Variants in HPS4 observed in about 807,000 individuals in gnomAD.
HPS4 encodes the protein BLOC-3 complex member HPS4.
In HPS4, 44 loss-of-function variants were observed where a neutral mutation model predicts 70.3. The ratio of observed to expected loss-of-function variants is 0.63; its 90% CI spans 0.49 to 0.80. HPS4 has a LOEUF of 0.80. Ranked by LOEUF, HPS4 falls within the 30% of genes least tolerant of loss-of-function variation. The pLI is 0.00. For synonymous variants in HPS4, 377 were observed against 355.9 expected (o/e 1.06, Z -0.67); for missense variants, 873 against 884.4 (o/e 0.99, Z 0.16).
At chr22:26,465,035 A>G (rs2070496710) in intron 10 of HPS4, among the ~76,000 whole-genome samples, 2 of 152,238 alleles carry the variant, frequency 1.3e-5, no homozygotes, top group African/African-American at 4.8e-5. Context: ...AGACTCACCT[A>G]CTGAAAATGG....
At position 26,479,369 on chromosome 22, in the gene HPS4, A is replaced by C; in HGVS notation, c.42-14T>G. 6.2e-7 allele frequency: 1 copy of C among 1,613,684 alleles called. No homozygotes were observed. The highest frequency in any genetic ancestry group is 8.5e-7 in the Non-Finnish European group (1 of 1,179,728). ...AAATAATTCCACCTGGCAAGAGAAC[A>C]GAGTGGAGCCATGTTTCCTTTAATC... On this transcript the variant is annotated splice_polypyrimidine_tract_variant and intron_variant, in intron 2 of 13. Coordinates refer to ENST00000398145, the MANE Select transcript of HPS4 (RefSeq NM_022081.6).
At position 26,464,076 on chromosome 22, in the gene HPS4, A is replaced by G. The variant is rs756512740; in HGVS notation, c.1554T>C (p.Ala518=). Residue 518 remains alanine, a synonymous_variant, in exon 11 of 14, where the codon GCT becomes GCC. Coordinates refer to ENST00000398145, the MANE Select transcript of HPS4 (RefSeq NM_022081.6). ...CSSGSANCQG[A]GPSADGISSR... is the part of the protein sequence containing the mutation. ...AGCTGATTCCATCTGCAGAGGGGCC[A>G]GCACCCTGACAGTTTGCTGAGCCTG... The G allele has an allele frequency of 6.2e-7, 1 of 1,614,278 alleles. No homozygotes were observed.
At chr22:26,443,131 G>A, downstream of HPS4, 1 of 1,614,158 alleles carries the variant, frequency 6.2e-7, no homozygotes. Flanking sequence ...TGGTTTTCAT[G>A]GTGGATTTGT....
At position 26,479,285 on chromosome 22, in the gene HPS4, A is replaced by C; in HGVS notation, c.112T>G (p.Cys38Gly). The C allele has an allele frequency of 6.2e-7, 1 of 1,614,210 alleles. No homozygotes were observed. The highest frequency in any genetic ancestry group is 8.5e-7 in the Non-Finnish European group (1 of 1,180,040). ...CTTACCTGGGAAGGATAAAAGTAACAAATGCCAGCTCTTGTTGGATCGCCT... is the reference window on the plus strand; with the variant it reads ...CTTACCTGGGAAGGATAAAAGTAACCAATGCCAGCTCTTGTTGGATCGCCT... ...EEGDPTRAGI[C>G]YFYPSQTLLD... The change falls in exon 3 of 14, where the codon TGT becomes GGT. Residue 38 changes from cysteine (C) to glycine (G), a missense_variant. Physicochemically the swap from Cys to Gly is radical, Grantham distance 159 (BLOSUM62 -3). Transcript: ENST00000398145.
At chr22:26,480,357 T>C (rs1381752874) in intron 2 of HPS4, among the ~76,000 whole-genome samples, 7 of 152,062 alleles carry the variant, frequency 4.6e-5, no homozygotes, top group African/African-American at 2.4e-5. Context: ...AAATTTTTTA[T>C]AGAAACGAGT....
intron 3 of HPS4, among the ~76,000 whole-genome samples, chr22:26,445,424 T>C (rs11913750): frequency 0.059 from 8,908 of 152,194 alleles, 295 homozygotes; most frequent in African/African-American, 0.078. Context: ...GTCACTAGAA[T>C]TGATCGTGGA....
chr22:26,453,096 AC>A lies in HPS4; in HGVS notation c.*136del. The A allele has an allele frequency of 3.0e-6, 3 of 992,310 alleles. No individual in the cohort carries two copies. Among genetic ancestry groups the A allele is most frequent in the Non-Finnish European group, 4.6e-6 (3 of 657,230 alleles). 61.5% of individuals were successfully genotyped at this position (992,310 alleles called of 1,614,324 possible). A position where few individuals can be genotyped will look rare whatever the true frequency, so the allele number is the denominator to read the frequency against. ...CACATCCCAATCTGCAAAAGGAATA[AC>A]AAAAACTCAAATATCATTTGGTTCC... On this transcript the variant is annotated 3_prime_UTR_variant, in exon 14 of 14. Coordinates refer to ENST00000398145, the MANE Select transcript of HPS4 (RefSeq NM_022081.6).
downstream of HPS4, chr22:26,443,637 A>AC (rs58743145): frequency 4.6e-5 from 7 of 151,614 alleles, no homozygotes; most frequent in Non-Finnish European, 8.8e-5. Context: ...AAAAAAAAAA[A>AC]CTAAAAACTG....
chr22:26,471,640 G>A (rs1236752136), intron 6 of HPS4, among the ~76,000 whole-genome samples: 1 of 152,202 alleles, frequency 6.6e-6, no homozygotes, highest in Non-Finnish European at 1.5e-5. Context: ...ACTGGAGCAG[G>A]GAAAACCCTT....
At position 26,472,919 on chromosome 22, in the gene HPS4, C is replaced by T. The variant is rs748780405; in HGVS notation, c.297G>A (p.Glu99=). 2 of 1,614,178 alleles carry T rather than the reference C, an allele frequency of 1.2e-6. No individual in the cohort carries two copies. Among genetic ancestry groups the T allele is most frequent in the East Asian group, 4.5e-5 (2 of 44,888 alleles). Residue 99 remains glutamate, a synonymous_variant, in exon 5 of 14, where the codon GAG becomes GAA. Coordinates refer to ENST00000398145, the MANE Select transcript of HPS4 (RefSeq NM_022081.6). The part of the protein sequence containing the change: ...DYLWVLGCAV[E]LPDVSCKRFL... ...ACCGCTTGCAGCTGACATCAGGGAG[C>T]TCCACAGCACAGCCCAGCACCTGTA...
At chr22:26,479,076 T>C (rs904309044) in intron 3 of HPS4, among the ~76,000 whole-genome samples, 189 bp downstream of exon 3, 2 of 152,104 alleles carry the variant, frequency 1.3e-5, no homozygotes, top group Non-Finnish European at 2.9e-5. Context: ...CTAAAGACGA[T>C]GAAAGTGCCG....
chr22:26,453,041 G>A lies in HPS4; in HGVS notation c.*192C>T, dbSNP rs1248863099. On this transcript the variant is annotated 3_prime_UTR_variant, in exon 14 of 14. Transcript: ENST00000398145. ...CTTTATCAAGTGCTCTGGGTCTGCC[G>A]ACCTGAAGAACTAACCCCTGCCCCC... 11 of 625,746 alleles carry A rather than the reference G, an allele frequency of 1.8e-5. No homozygotes were observed. The highest frequency in any genetic ancestry group is 3.7e-5 in the African/African-American group (2 of 54,306). 38.8% of individuals were successfully genotyped at this position (625,746 alleles called of 1,614,324 possible).
chr22:26,471,523 C>T (rs920965250), intron 6 of HPS4: 4 of 402,724 alleles, frequency 9.9e-6, no homozygotes, highest in South Asian at 1.8e-5. Flanking sequence ...ATGGAGCCTC[C>T]GGAGCTGCTG....
chr22:26,481,560 G>A (rs939787085), intron 2 of HPS4, among the ~76,000 whole-genome samples, 162 bp downstream of exon 2: 1 of 152,208 alleles, frequency 6.6e-6, no homozygotes, highest in African/African-American at 2.4e-5. Flanking sequence ...TAGCTTTGGA[G>A]AGCGATGGCT....
chr22:26,481,861 T>C lies in HPS4; in HGVS notation c.-99A>G. The C allele has an allele frequency of 2.5e-6, 3 of 1,178,580 alleles. No individual in the cohort carries two copies. The highest frequency in any genetic ancestry group is 3.8e-6 in the Non-Finnish European group (3 of 785,094). The allele number at this position is 1,178,580 out of a possible 1,614,324, so 73.0% of individuals were successfully genotyped here. A position where few individuals can be genotyped will look rare whatever the true frequency, so the allele number is the denominator to read the frequency against. ...ACCGTTCCTCTATCCCCCAATCCAGTGAATCTGGACGTGGTAGGTTTCAGT... is the reference window on the plus strand; with the variant it reads ...ACCGTTCCTCTATCCCCCAATCCAGCGAATCTGGACGTGGTAGGTTTCAGT... On this transcript the variant is annotated 5_prime_UTR_variant, in exon 2 of 14. Coordinates refer to ENST00000398145, the MANE Select transcript of HPS4 (RefSeq NM_022081.6).
chr22:26,458,286 C>T (rs1353986833), intron 12 of HPS4, among the ~76,000 whole-genome samples, 159 bp downstream of exon 12: 1 of 152,248 alleles, frequency 6.6e-6, no homozygotes, highest in Non-Finnish European at 1.5e-5. Context: ...GAACGCCACA[C>T]TCAGTGGGAC....
chr22:26,476,795 T>C, intron 4 of HPS4, 198 bp downstream of exon 4: 2 of 606,994 alleles, frequency 3.3e-6, no homozygotes, highest in Non-Finnish European at 5.9e-6. Context: ...CAATGCAGAA[T>C]ATGTTAGAAA....
At chr22:26,467,090 T>C (rs1366838532) in intron 8 of HPS4, 2 of 152,200 alleles carry the variant, frequency 1.3e-5, no homozygotes, top group Non-Finnish European at 2.9e-5. Context: ...GAGGCCACAC[T>C]ATATAAAATT....
downstream of HPS4, among the ~76,000 whole-genome samples, chr22:26,450,851 G>A (rs532687325): frequency 3.2e-4 from 49 of 152,312 alleles, no homozygotes; most frequent in African/African-American, 1.1e-3. Context: ...GGTCTCTCCA[G>A]CCCTGCAGAA....
Sources: allele counts gnomAD v4.1 joint callset (sites outside exome capture counted in the v4.1 genomes callset), GRCh38; gene constraint gnomAD v4.1.1; transcripts MANE v1.5; gene names NCBI Gene and HGNC (gene_info 2026-07-23, HGNC 2026-07-21).